FCHO2: variants seen among roughly 807,000 people sequenced by gnomAD.
The protein encoded by FCHO2 is FCH and mu domain containing endocytic adaptor 2.
In FCHO2, 43 loss-of-function variants were observed where a neutral mutation model predicts 114.1. The ratio of observed to expected loss-of-function variants is 0.38; its 90% confidence interval spans 0.30 to 0.49. FCHO2 has a LOEUF of 0.49. Ranked by LOEUF, FCHO2 falls within the 20% of genes least tolerant of loss-of-function variation. The pLI is 0.97. For missense variants in FCHO2, 807 were observed against 950.4 expected (o/e 0.85, Z 1.98); for synonymous variants, 293 against 315.2 (o/e 0.93, Z 0.75).
chr5:73,027,828 G>A (rs947832648), intron 8 of FCHO2, among the ~76,000 whole-genome samples: 17 of 152,126 alleles, frequency 1.1e-4, no homozygotes, highest in African/African-American at 3.9e-4. Context: ...TACCCCATTC[G>A]TAATTAGGGA....
intron 6 of FCHO2, among the ~76,000 whole-genome samples, chr5:73,015,395 T>C (rs1561449770): frequency 6.6e-6 from 1 of 151,934 alleles, no homozygotes; most frequent in Non-Finnish European, 1.5e-5. Context: ...CCTGAATTGC[T>C]GGGATTACAG....
At chr5:72,978,713 A>T (rs372304578) in intron 2 of FCHO2, among the ~76,000 whole-genome samples, 13 of 152,178 alleles carry the variant, frequency 8.5e-5, no homozygotes, top group Non-Finnish European at 1.2e-4. Context: ...GCTTCCAGTT[A>T]TTGCCCATTC....
chr5:72,967,059 G>A (rs978570147), intron 1 of FCHO2, among the ~76,000 whole-genome samples: 5 of 152,204 alleles, frequency 3.3e-5, no homozygotes, highest in African/African-American at 1.2e-4. Context: ...GCCAAGGCAG[G>A]TGTATCGTTT....
intron 19 of FCHO2, among the ~76,000 whole-genome samples, chr5:73,071,311 A>T (rs1047078847): frequency 2.6e-5 from 4 of 152,004 alleles, no homozygotes; most frequent in African/African-American, 9.7e-5. Flanking sequence ...TAAAAGGAAT[A>T]TGTCAGTTAA....
At chr5:72,984,557 A>G (rs1753401044) in intron 2 of FCHO2, among the ~76,000 whole-genome samples, 1 of 152,236 alleles carries the variant, frequency 6.6e-6, no homozygotes, top group South Asian at 2.1e-4. Context: ...AATTTCTTTA[A>G]TCATTATAGG....
At chr5:72,971,843 T>A (rs1319053192) in intron 2 of FCHO2, among the ~76,000 whole-genome samples, 2 of 152,216 alleles carry the variant, frequency 1.3e-5, no homozygotes, top group African/African-American at 2.4e-5. Context: ...GGTCGAACAT[T>A]TAAGTCTTTA....
intron 22 of FCHO2, among the ~76,000 whole-genome samples, chr5:73,079,696 C>T (rs564265548): frequency 6.6e-6 from 1 of 152,276 alleles, no homozygotes; most frequent in Non-Finnish European, 1.5e-5. Flanking sequence ...TCCACTTATA[C>T]GAGGATTCTT....
At chr5:73,030,156 C>T (rs1374037781) in intron 8 of FCHO2, among the ~76,000 whole-genome samples, 3 of 151,794 alleles carry the variant, frequency 2.0e-5, no homozygotes, top group Non-Finnish European at 4.4e-5. Context: ...ATTGTCCTGC[C>T]TCAGCCTCCC....
chr5:73,020,149 C>G (rs1230028842), intron 8 of FCHO2, among the ~76,000 whole-genome samples: 1 of 152,160 alleles, frequency 6.6e-6, no homozygotes, highest in Non-Finnish European at 1.5e-5. Flanking sequence ...ACTATCCTGT[C>G]AAGTCAGGAA....
At chr5:73,030,454 TTGTTATAAA>T (rs894469452) in intron 8 of FCHO2, among the ~76,000 whole-genome samples, 8 of 152,250 alleles carry the variant, frequency 5.3e-5, no homozygotes, top group Non-Finnish European at 1.0e-4. Context: ...ACATGAATGC[TTGTTATAAA>T]TGGAGAATCT....
At chr5:73,073,495 T>A (rs1325078077) in intron 19 of FCHO2, among the ~76,000 whole-genome samples, 1 of 152,058 alleles carries the variant, frequency 6.6e-6, no homozygotes, top group African/African-American at 2.4e-5. Flanking sequence ...TTTTTTTAAA[T>A]GTCCCCCTAG....
Position 72,999,395 on chromosome 5 carries a change from T to C in FCHO2, c.496-7050T>C, listed in dbSNP as rs1754305758. Among the ~76,000 whole-genome samples, 3 of 148,292 alleles carry C rather than the reference T, an allele frequency of 2.0e-5. No individual in the cohort carries two copies. The South Asian group carries it at 6.5e-4, about 32-fold the overall frequency. ...TCACAGGCCTTTTTTTTTTTTTTTT[T>C]TTTTTAAGATGGAGTCTCGCTCTGT... On this transcript the variant is annotated intron_variant, in intron 5 of 25. Coordinates refer to ENST00000430046, the MANE Select transcript of FCHO2 (RefSeq NM_138782.3).
chr5:72,979,988 C>T (rs1753113028), intron 2 of FCHO2, among the ~76,000 whole-genome samples: 1 of 152,046 alleles, frequency 6.6e-6, no homozygotes, highest in East Asian at 1.9e-4. Flanking sequence ...CTTCTGCTAG[C>T]TTTTGAATTT....
intron 10 of FCHO2, among the ~76,000 whole-genome samples, chr5:73,039,951 A>T (rs1756726577): frequency 6.8e-6 from 1 of 146,918 alleles, no homozygotes; most frequent in Non-Finnish European, 1.5e-5. Flanking sequence ...AAGAAAAAAA[A>T]AAAAAGAAGA....
intron 5 of FCHO2, among the ~76,000 whole-genome samples, chr5:72,995,343 C>T (rs1187898302): frequency 1.3e-5 from 2 of 151,894 alleles, no homozygotes; most frequent in South Asian, 2.1e-4. Flanking sequence ...GCAACCTCCG[C>T]CTCCCGAGTT....
chr5:73,015,779 C>A, intron 7 of FCHO2, 55 bp downstream of exon 7: 4 of 1,074,206 alleles, frequency 3.7e-6, no homozygotes, highest in Non-Finnish European at 4.0e-6. Flanking sequence ...TTATTTATAG[C>A]TCTTTAAAAA....
intron 20 of FCHO2, among the ~76,000 whole-genome samples, chr5:73,075,502 G>A (rs1742870469): frequency 6.6e-6 from 1 of 152,134 alleles, no homozygotes; most frequent in Admixed American, 6.6e-5. Context: ...TATGAGACCA[G>A]GTTAGGCATT....
intron 5 of FCHO2, among the ~76,000 whole-genome samples, chr5:72,991,917 T>G (rs1753834588): frequency 2.0e-5 from 3 of 152,204 alleles, no homozygotes; most frequent in African/African-American, 7.2e-5. Flanking sequence ...AGTTAATTTT[T>G]AACAACAGAT....
chr5:73,006,483 ACT>A lies in FCHO2; in HGVS notation c.537_538del (p.Tyr180CysfsTer10). 6.3e-7 allele frequency: 1 copy of A among 1,576,324 alleles called. No homozygotes were observed. Among genetic ancestry groups the A allele is most frequent in the Non-Finnish European group, 8.6e-7 (1 of 1,165,388 alleles). On this transcript the variant is annotated frameshift_variant, in exon 6 of 26. Coordinates refer to ENST00000430046, the MANE Select transcript of FCHO2 (RefSeq NM_138782.3). LOFTEE classifies it high-confidence loss of function. Reference protein sequence around the residue: ...KSKKATDTYKLYVEKYALAKA... With the variant: ...KSKKATDTYKXYVEKYALAKA... ...CTAAGAAAGCTACAGATACCTATAA[ACT>A]CTATGTGGAAAAATATGCATTAGCA...
Sources: gnomAD v4.1 joint callset for allele counts (sites outside exome capture counted in the v4.1 genomes callset) on GRCh38, gnomAD v4.1.1 for gene constraint, MANE v1.5 for transcripts, NCBI Gene and HGNC (gene_info 2026-07-23, HGNC 2026-07-21) for gene names.